ZNF37A: variants seen among roughly 807,000 people sequenced by gnomAD.
ZNF37A encodes zinc finger protein 37A.
Under a neutral mutation model 12.3 loss-of-function variants are expected in ZNF37A, and 10 were observed. The ratio of observed to expected loss-of-function variants is 0.82; its 90% CI spans 0.50 to 1.38. ZNF37A has a LOEUF of 1.38. ZNF37A is among the 40% of genes most tolerant of loss of function. The probability of loss-of-function intolerance (pLI) is 0.00; values close to 1 mark genes in which losing one functional copy is unlikely to be tolerated. For missense variants in ZNF37A, 580 were observed against 651.2 expected (o/e 0.89, Z 1.19); for synonymous variants, 207 against 223.0 (o/e 0.93, Z 0.64).
Position 38,097,199 on chromosome 10 carries a change from A to G in ZNF37A, c.15+567A>G, listed in dbSNP as rs188968058. Among the ~76,000 whole-genome samples the G allele has an allele frequency of 5.3e-5, 8 of 152,366 alleles. No homozygotes were observed. The East Asian group carries it at 1.5e-3, about 29-fold the overall frequency. On this transcript the variant is annotated intron_variant, in intron 5 of 7. Coordinates refer to ENST00000685332, the MANE Select transcript of ZNF37A (RefSeq NM_001324250.3). The stretch of plus-strand genomic sequence containing the variant: ...AACTTCTGATGACAATCTTGCAGTT[A>G]CATGAAAAAGTAGTACAACGAAGTG...
intron 5 of ZNF37A, among the ~76,000 whole-genome samples, chr10:38,111,456 A>G (rs1304278909): frequency 1.3e-5 from 2 of 151,998 alleles, no homozygotes; most frequent in Non-Finnish European, 2.9e-5. Context: ...TGTTCTGCAC[A>G]TGTACCCCAG....
chr10:38,102,635 G>T (rs2178962), intron 5 of ZNF37A, among the ~76,000 whole-genome samples: 16 of 151,906 alleles, frequency 1.1e-4, no homozygotes, highest in African/African-American at 3.4e-4. Flanking sequence ...ACAGTAGTTA[G>T]TTTTATCATT....
Position 38,117,947 on chromosome 10 carries a change from AC to A in ZNF37A, c.797del (p.Thr266LysfsTer165). 6.2e-7 allele frequency: 1 copy of A among 1,613,958 alleles called. No individual in the cohort carries two copies. Among genetic ancestry groups the A allele is most frequent in the Non-Finnish European group, 8.5e-7 (1 of 1,180,008 alleles). ...LVLHLQQRTH[T>X]GEKPYECHEC... ...CCTTCATTTACAACAGAGAACACAT[AC>A]AGGAGAAAAACCTTATGAATGTCAT... is the stretch of plus-strand genomic sequence containing the variant. On this transcript the variant is annotated frameshift_variant, in exon 8 of 8. Transcript: ENST00000685332. LOFTEE classifies it low-confidence loss of function (END_TRUNC).
chr10:38,118,949 T>C lies in ZNF37A; in HGVS notation c.*112T>C. ...AGTTCTCACAGTATAGAAGAGAACT[T>C]AAAGAGGGAAAAAACAATATGAAGA... On this transcript the variant is annotated 3_prime_UTR_variant, in exon 8 of 8. Transcript: ENST00000685332. The C allele has an allele frequency of 7.4e-7, 1 of 1,348,124 alleles. No homozygotes were observed. Among genetic ancestry groups the C allele is most frequent in the Non-Finnish European group, 9.5e-7 (1 of 1,052,018 alleles). The allele number at this position is 1,348,124 out of a possible 1,614,324, so 83.5% of individuals were successfully genotyped here. A position where few individuals can be genotyped will look rare whatever the true frequency, so the allele number is the denominator to read the frequency against.
chr10:38,115,300 T>G lies in ZNF37A; in HGVS notation c.238+10T>G, dbSNP rs893983737. The G allele has an allele frequency of 3.1e-6, 5 of 1,612,158 alleles. No homozygotes were observed. The African/African-American group carries it at 6.7e-5, about 22-fold the overall frequency. On this transcript the variant is annotated intron_variant, in intron 7 of 7. Transcript: ENST00000685332. Reference sequence around the variant, plus strand: ...AGCCAGAGTCATCTGGGTGAGTTAGTATGTGCCAGATGGAATTTAAAGGAA... The same window carrying G: ...AGCCAGAGTCATCTGGGTGAGTTAGGATGTGCCAGATGGAATTTAAAGGAA...
chr10:38,113,401 T>C (rs1472556402), intron 5 of ZNF37A, among the ~76,000 whole-genome samples: 1 of 151,574 alleles, frequency 6.6e-6, no homozygotes, highest in African/African-American at 2.4e-5. Context: ...TTAGTAAAGA[T>C]GGGGTTTTAC....
chr10:38,145,778 T>C (rs2070245256), intron 7 of ZNF37A, among the ~76,000 whole-genome samples: 2 of 152,164 alleles, frequency 1.3e-5, no homozygotes, highest in South Asian at 2.1e-4. Context: ...ACTATATCTA[T>C]AAAACTGTTT....
intron 5 of ZNF37A, among the ~76,000 whole-genome samples, chr10:38,104,883 T>A (rs184376355): frequency 1.6e-4 from 24 of 152,324 alleles, no homozygotes; most frequent in African/African-American, 5.8e-4. Flanking sequence ...AGTTTCAATC[T>A]TAACCCCATA....
chr10:38,112,768 T>TCTCGG (rs1564932199), intron 5 of ZNF37A, among the ~76,000 whole-genome samples: 1 of 64,198 alleles, frequency 1.6e-5, no homozygotes, highest in Admixed American at 1.9e-4. Context: ...TTCTTTTCTT[T>TCTCGG]TCTTTTCTTT....
chr10:38,109,845 A>G (rs2068481433), intron 5 of ZNF37A, among the ~76,000 whole-genome samples: 3 of 152,256 alleles, frequency 2.0e-5, no homozygotes, highest in Admixed American at 2.0e-4. Flanking sequence ...GTAAGAGAGG[A>G]CACAAACAAA....
intron 7 of ZNF37A, among the ~76,000 whole-genome samples, chr10:38,145,743 A>T (rs1358758831): frequency 6.6e-6 from 1 of 152,232 alleles, no homozygotes; most frequent in Non-Finnish European, 1.5e-5. Flanking sequence ...TTCCTCAAGA[A>T]AACAGAAAGG....
intron 7 of ZNF37A, among the ~76,000 whole-genome samples, chr10:38,134,888 G>A (rs1234327348): frequency 6.6e-6 from 1 of 152,122 alleles, no homozygotes; most frequent in African/African-American, 2.4e-5. Context: ...GCTTGTTTTT[G>A]ATATGCGTTA....
In ZNF37A at chr10:38,118,365, A is replaced by G. The variant is rs936968891; in HGVS notation, c.1214A>G (p.His405Arg). The change falls in exon 8 of 8, where the codon CAC (histidine) becomes CGC (arginine). Residue 405 changes from histidine (H) to arginine (R), a missense_variant. Transcript: ENST00000685332. ...GACCTCATTAAACATCAAAGAATAC[A>G]CACAGGTGAAAAACCTTATGAATGT... Reference protein sequence around the residue: ...KSDLIKHQRIHTGEKPYECNE... With the variant: ...KSDLIKHQRIRTGEKPYECNE... 1.9e-6 allele frequency: 3 copies of G among 1,613,944 alleles called. No homozygotes were observed. Among genetic ancestry groups the G allele is most frequent in the Non-Finnish European group, 2.5e-6 (3 of 1,179,988 alleles).
At chr10:38,143,399 A>G (rs911142021) in intron 7 of ZNF37A, 18 of 152,346 alleles carry the variant, frequency 1.2e-4, no homozygotes, top group African/African-American at 3.6e-4. Flanking sequence ...TGCATGCTAC[A>G]TATTGAGATC....
chr10:38,115,370 G>A (rs2069189182), intron 7 of ZNF37A, 80 bp downstream of exon 7: 1 of 1,519,578 alleles, frequency 6.6e-7, no homozygotes, highest in Admixed American at 2.2e-5. Context: ...CCATTGAAAT[G>A]TTCTTTAGGA....
Position 38,115,204 on chromosome 10 carries a change from T to G in ZNF37A, c.152T>G (p.Ile51Ser), listed in dbSNP as rs753438046. Residue 51 changes from isoleucine to serine, a missense_variant, in exon 7 of 8, where the codon ATT becomes AGT. Transcript: ENST00000685332. ...YSHLVSVGYC[I>S]PKPEVILKLE... The stretch of plus-strand genomic sequence containing the variant: ...CAATTCTCATTCACAGGGTATTGCA[T>G]TCCTAAACCAGAAGTGATTCTCAAG... 6.2e-6 allele frequency: 10 copies of G among 1,609,088 alleles called. No homozygotes were observed. The East Asian group carries it at 2.2e-4, about 36-fold the overall frequency.
At position 38,119,566 on chromosome 10, in the gene ZNF37A, G is replaced by C; in HGVS notation, c.*729G>C. On this transcript the variant is annotated 3_prime_UTR_variant, in exon 8 of 8. Transcript: ENST00000685332. ...AGTTGCAGGATATCTAGCAATTTAA[G>C]AAAATGTGGAAAAAATATTTTTATT... The C allele has an allele frequency of 4.3e-6, 1 of 230,668 alleles. No homozygotes were observed. The highest frequency in any genetic ancestry group is 7.1e-6 in the Non-Finnish European group (1 of 139,998). 14.3% of individuals were successfully genotyped at this position (230,668 alleles called of 1,614,324 possible). A position where few individuals can be genotyped will look rare whatever the true frequency, so the allele number is the denominator to read the frequency against.
At chr10:38,100,451 G>T (rs1487740011) in intron 5 of ZNF37A, among the ~76,000 whole-genome samples, 3 of 152,106 alleles carry the variant, frequency 2.0e-5, no homozygotes, top group South Asian at 2.1e-4. Context: ...CCACACCCAG[G>T]GGGGCTGTCT....
chr10:38,147,079 G>A, exon 8 of ZNF37A: 1 of 233,046 alleles, frequency 4.3e-6, no homozygotes, highest in Non-Finnish European at 8.3e-6. Flanking sequence ...GGCACAGGCT[G>A]CTCATGCTAT....
Sources: allele counts gnomAD v4.1 joint callset (sites outside exome capture counted in the v4.1 genomes callset), GRCh38; gene constraint gnomAD v4.1.1; transcripts MANE v1.5; gene names NCBI Gene and HGNC (gene_info 2026-07-23, HGNC 2026-07-21).